The following CSMD1 variants were observed in gnomAD, a reference collection of about 807,000 sequenced individuals.
CSMD1 encodes the protein CUB and Sushi multiple domains 1.
CSMD1 carries 213 observed loss-of-function variants against 417.5 expected under a neutral mutation model. That is an observed-to-expected ratio of 0.51 (90% CI 0.46 to 0.57). The LOEUF is 0.57. Among genes scored for constraint, CSMD1 ranks in the 20% least tolerant of loss-of-function variants. The pLI is 0.00. For missense variants in CSMD1, 6,923 were observed against 4,529.7 expected (o/e 1.53, Z -15.17); for synonymous variants, 2,862 against 1,736.8 (o/e 1.65, Z -16.11).
At chr8:4,801,399 C>CT (rs145225011) in intron 1 of CSMD1, among the ~76,000 whole-genome samples, 1,698 of 152,152 alleles carry the variant, frequency 0.011, 28 homozygotes, top group African/African-American at 0.039. Flanking sequence ...GAGACACCCT[C>CT]TCCCCGTGGG....
intron 3 of CSMD1, among the ~76,000 whole-genome samples, chr8:4,334,634 C>CAT (rs977464950): frequency 1.3e-5 from 2 of 152,146 alleles, no homozygotes; most frequent in Non-Finnish European, 2.9e-5. Context: ...CTGACTAATA[C>CAT]ATAGCTTTAT....
intron 6 of CSMD1, among the ~76,000 whole-genome samples, chr8:3,716,332 A>G (rs1801829983): frequency 6.6e-6 from 1 of 152,222 alleles, no homozygotes; most frequent in Non-Finnish European, 1.5e-5. Flanking sequence ...GAGAAAATAG[A>G]GGAATAAAAG....
chr8:4,308,764 G>A (rs1172777758), intron 3 of CSMD1, among the ~76,000 whole-genome samples: 1 of 152,132 alleles, frequency 6.6e-6, no homozygotes, highest in African/African-American at 2.4e-5. Context: ...TGAGCGTGAT[G>A]ACTAAAGATT....
intron 23 of CSMD1, among the ~76,000 whole-genome samples, chr8:3,339,439 C>T (rs1009534255): frequency 6.6e-6 from 1 of 152,114 alleles, no homozygotes; most frequent in Non-Finnish European, 1.5e-5. Context: ...CAAAAGCATT[C>T]CCTGGGTGAT....
chr8:4,013,669 G>C (rs1370187023), intron 4 of CSMD1, among the ~76,000 whole-genome samples: 2 of 152,194 alleles, frequency 1.3e-5, no homozygotes, highest in Admixed American at 1.3e-4. Flanking sequence ...TTTCTGCAAA[G>C]ATTGGAATTC....
chr8:4,005,161 G>A (rs965647735), intron 4 of CSMD1, among the ~76,000 whole-genome samples: 4 of 152,222 alleles, frequency 2.6e-5, no homozygotes, highest in Middle Eastern at 3.4e-3. Context: ...GGGGAAAGGG[G>A]ATAAAAGACA....
intron 5 of CSMD1, among the ~76,000 whole-genome samples, chr8:3,916,117 C>G (rs372476361): frequency 5.7e-4 from 86 of 151,972 alleles, no homozygotes; most frequent in African/African-American, 2.0e-3. Context: ...AAAAAGATAA[C>G]ATGCCAGTAA....
At chr8:4,061,104 T>C (rs920394541) in intron 3 of CSMD1, among the ~76,000 whole-genome samples, 1 of 152,190 alleles carries the variant, frequency 6.6e-6, no homozygotes, top group African/African-American at 2.4e-5. Flanking sequence ...TGATATCTTA[T>C]GGAGAATATA....
chr8:4,321,057 G>A (rs763658179), intron 3 of CSMD1, among the ~76,000 whole-genome samples: 1 of 152,090 alleles, frequency 6.6e-6, no homozygotes, highest in African/African-American at 2.4e-5. Context: ...TTTACACACA[G>A]ATCTCTTATG....
chr8:3,625,918 T>C (rs1437090257), intron 7 of CSMD1, among the ~76,000 whole-genome samples: 1 of 152,182 alleles, frequency 6.6e-6, no homozygotes, highest in African/African-American at 2.4e-5. Flanking sequence ...TAGCAGTAAA[T>C]GTTCAAAGAG....
chr8:4,834,683 G>A (rs1475456347), intron 1 of CSMD1, among the ~76,000 whole-genome samples: 2 of 151,984 alleles, frequency 1.3e-5, no homozygotes, highest in South Asian at 2.1e-4. Context: ...AAGGCCAGGT[G>A]CGGTGGCTCA....
At chr8:3,476,229 G>C (rs1049743996) in intron 11 of CSMD1, among the ~76,000 whole-genome samples, 2 of 152,152 alleles carry the variant, frequency 1.3e-5, no homozygotes, top group African/African-American at 4.8e-5. Context: ...ACCTATCTCT[G>C]ACTCTGAAAT....
At chr8:3,282,100 T>G (rs1010088412) in intron 26 of CSMD1, among the ~76,000 whole-genome samples, 1 of 152,172 alleles carries the variant, frequency 6.6e-6, no homozygotes, top group African/African-American at 2.4e-5. Flanking sequence ...TAAACCTCTT[T>G]TCTTGATAAA....
At chr8:4,536,216 AT>A (rs1797096594) in intron 2 of CSMD1, among the ~76,000 whole-genome samples, 1 of 152,142 alleles carries the variant, frequency 6.6e-6, no homozygotes, top group Non-Finnish European at 1.5e-5. Context: ...TTTGCATTTC[AT>A]TTTAACCTAT....
chr8:4,932,455 T>G (rs1234399209), intron 1 of CSMD1, among the ~76,000 whole-genome samples: 1 of 152,166 alleles, frequency 6.6e-6, no homozygotes, highest in Non-Finnish European at 1.5e-5. Flanking sequence ...CAGTTTGTCT[T>G]AAAGAGAAAT....
intron 3 of CSMD1, among the ~76,000 whole-genome samples, chr8:4,395,368 A>C (rs1378782011): frequency 6.6e-6 from 1 of 152,222 alleles, no homozygotes; most frequent in Non-Finnish European, 1.5e-5. Flanking sequence ...CTAGGGGAGT[A>C]GTCCCAATAT....
At chr8:4,540,297 A>T (rs1031628705) in intron 2 of CSMD1, among the ~76,000 whole-genome samples, 1 of 152,158 alleles carries the variant, frequency 6.6e-6, no homozygotes, top group Non-Finnish European at 1.5e-5. Context: ...CATCTCACCA[A>T]AATTTCAGAA....
chr8:3,472,523 C>G (rs1026943214), intron 11 of CSMD1, among the ~76,000 whole-genome samples: 1 of 152,096 alleles, frequency 6.6e-6, no homozygotes, highest in Admixed American at 6.6e-5. Context: ...TCCAACCATC[C>G]ACTCTCTATC....
chr8:4,054,612 T>C (rs977020618), intron 3 of CSMD1, among the ~76,000 whole-genome samples: 35 of 152,142 alleles, frequency 2.3e-4, no homozygotes, highest in South Asian at 8.3e-4. Flanking sequence ...ATTTAGCTTA[T>C]TTCCCCATCG....
Sources: gnomAD v4.1 joint callset for allele counts (sites outside exome capture counted in the v4.1 genomes callset) on GRCh38, gnomAD v4.1.1 for gene constraint, MANE v1.5 for transcripts, NCBI Gene and HGNC (gene_info 2026-07-23, HGNC 2026-07-21) for gene names.